The following TCF3 variants were observed in gnomAD, a reference collection of about 807,000 sequenced individuals.
The protein encoded by TCF3 is transcription factor E2-alpha.
Under a neutral mutation model 72.3 loss-of-function variants are expected in TCF3, and 54 were observed. The ratio of observed to expected loss-of-function variants is 0.75; its 90% confidence interval spans 0.60 to 0.94. The LOEUF (loss-of-function observed/expected upper bound fraction) is 0.94, where lower values mean the gene tolerates loss of function less well. TCF3 is among the 40% of genes least tolerant of loss of function. TCF3 has a pLI of 0.00. For synonymous variants in TCF3, 525 were observed against 412.6 expected (o/e 1.27, Z -3.30); for missense variants, 1,078 against 934.4 (o/e 1.15, Z -2.00).
At chr19:1,634,624 G>A (rs187884394) in intron 3 of TCF3, among the ~76,000 whole-genome samples, 1 of 152,198 alleles carries the variant, frequency 6.6e-6, no homozygotes, top group South Asian at 2.1e-4. Context: ...TCCCAGTCCC[G>A]GTCCCTGTTG....
At chr19:1,649,788 C>T (rs1184331766) in intron 2 of TCF3, among the ~76,000 whole-genome samples, 7 of 152,002 alleles carry the variant, frequency 4.6e-5, no homozygotes, top group Non-Finnish European at 1.0e-4. Context: ...GTGCAGTGAT[C>T]TTTTACTTAC....
intron 18 of TCF3, chr19:1,612,379 C>T (rs2061095091): frequency 6.2e-7 from 1 of 1,613,806 alleles, no homozygotes; most frequent in Non-Finnish European, 8.5e-7. Flanking sequence ...TGGCCATGCG[C>T]CTCTCCCGGT....
intron 2 of TCF3, among the ~76,000 whole-genome samples, chr19:1,648,371 G>C (rs2066455446): frequency 6.6e-6 from 1 of 152,186 alleles, no homozygotes; most frequent in Non-Finnish European, 1.5e-5. Flanking sequence ...CGCCCGGAGA[G>C]GACGGGCACC....
intron 3 of TCF3, among the ~76,000 whole-genome samples, chr19:1,639,538 C>T (rs2064939251): frequency 6.6e-6 from 1 of 152,112 alleles, no homozygotes; most frequent in Non-Finnish European, 1.5e-5. Context: ...AAAGGCCTCG[C>T]AGCTCCACAT....
chr19:1,642,411 C>T (rs547514482), intron 3 of TCF3, among the ~76,000 whole-genome samples: 4 of 152,280 alleles, frequency 2.6e-5, no homozygotes, highest in African/African-American at 7.2e-5. Context: ...CGCAGCACCA[C>T]GGGTGGGCGG....
At chr19:1,633,380 G>C (rs1251701246) in intron 3 of TCF3, among the ~76,000 whole-genome samples, 1 of 152,138 alleles carries the variant, frequency 6.6e-6, no homozygotes, top group African/African-American at 2.4e-5. Flanking sequence ...GGCTTCCCGA[G>C]AGCCAGGCCT....
chr19:1,648,420 C>T (rs1384299769), intron 2 of TCF3, among the ~76,000 whole-genome samples: 2 of 152,156 alleles, frequency 1.3e-5, no homozygotes, highest in Non-Finnish European at 2.9e-5. Flanking sequence ...GGGAACGGCT[C>T]CGACCCGGGA....
At position 1,609,385 on chromosome 19, in the gene TCF3, A is replaced by C. The variant is rs941907493; in HGVS notation, c.*2322T>G. On this transcript the variant is annotated 3_prime_UTR_variant, in exon 19 of 19. Transcript: ENST00000262965. ...GAAAGAGGGTCGTTTTAAAGTCCCA[A>C]TCATCCAGCCAGCTGTGTTGACACG... 2 of 205,070 alleles carry C rather than the reference A, an allele frequency of 9.8e-6. No homozygotes were observed. Among genetic ancestry groups the C allele is most frequent in the Non-Finnish European group, 2.0e-5 (2 of 100,282 alleles). 12.7% of individuals were successfully genotyped at this position (205,070 alleles called of 1,614,324 possible). A position where few individuals can be genotyped will look rare whatever the true frequency, so the allele number is the denominator to read the frequency against.
At chr19:1,637,598 C>A (rs2064619380) in intron 3 of TCF3, among the ~76,000 whole-genome samples, 1 of 152,156 alleles carries the variant, frequency 6.6e-6, no homozygotes. Flanking sequence ...GAGAACCTGC[C>A]CCTCAAAACA....
intron 3 of TCF3, among the ~76,000 whole-genome samples, chr19:1,642,782 C>T (rs4807944): frequency 0.16 from 24,392 of 152,118 alleles, 2,154 homozygotes; most frequent in South Asian, 0.36. Flanking sequence ...ACAAGGGACG[C>T]TTTCAATGTG....
intron 3 of TCF3, among the ~76,000 whole-genome samples, chr19:1,637,159 ACCAGAACCAGGGACAAGCTCCTCCC>A (rs1230144507): frequency 1.3e-5 from 2 of 150,296 alleles, no homozygotes; most frequent in Admixed American, 6.6e-5. Flanking sequence ...AACCTCCTCC[ACCAGAACCAGGGACAAGCTCCTCCC>A]CCAGAACCAG....
At position 1,616,946 on chromosome 19, in the gene TCF3, AAAAG is replaced by A. The variant is rs200662311; in HGVS notation, c.1451-1129_1451-1126del. 8.9e-3 allele frequency among the ~76,000 whole-genome samples: 1,354 copies of A among 152,346 alleles called. 21 individuals are homozygous for A. The highest frequency in any genetic ancestry group is 0.021 in the Admixed American group (314 of 15,304). On this transcript the variant is annotated intron_variant, in intron 16 of 18. Coordinates refer to ENST00000262965, the MANE Select transcript of TCF3 (RefSeq NM_003200.5). ...CTCCCACAATCAATGGGAAAGGACA[AAAAG>A]AAAGTAACTCAGTAGAAAAATAAGC... is the stretch of plus-strand genomic sequence containing the variant.
chr19:1,612,143 A>G, intron 18 of TCF3: 1 of 1,478,532 alleles, frequency 6.8e-7, no homozygotes, highest in Non-Finnish European at 9.0e-7. Context: ...GGAGGACCCC[A>G]GCATCTGCAC....
At chr19:1,622,252 C>A in intron 9 of TCF3, 29 bp from the exon 10 acceptor site, 2 of 1,514,984 alleles carry the variant, frequency 1.3e-6, no homozygotes, top group Non-Finnish European at 1.8e-6. Flanking sequence ...AAGGTGGGGG[C>A]CGAGTGGGGA....
intron 3 of TCF3, among the ~76,000 whole-genome samples, chr19:1,633,231 A>C (rs529302919): frequency 5.7e-4 from 87 of 152,306 alleles, no homozygotes; most frequent in Admixed American, 1.3e-3. Flanking sequence ...CCCGTGGAGA[A>C]GCAGGAGCGG....
rs528618922 is a variant in TCF3 at position 1,619,083 on chromosome 19, T to G, written c.1450+28A>C. The G allele has an allele frequency of 8.6e-5, 137 of 1,597,492 alleles. 2 individuals are homozygous for G. In the South Asian group the frequency reaches 1.5e-3, roughly 17 times the overall value. ...CAGTTTCCCCAACTGGAACCAGGAG[T>G]CGGACAGTCCCAAGCTCAAGGGCTT... On this transcript the variant is annotated intron_variant, in intron 16 of 18. Coordinates refer to ENST00000262965, the MANE Select transcript of TCF3 (RefSeq NM_003200.5).
At chr19:1,633,877 G>A (rs947949830) in intron 3 of TCF3, among the ~76,000 whole-genome samples, 12 of 152,168 alleles carry the variant, frequency 7.9e-5, no homozygotes, top group African/African-American at 2.4e-4. Context: ...GCACAGCGCC[G>A]GCACCCTCTG....
At chr19:1,641,749 A>G (rs1254901408) in intron 3 of TCF3, among the ~76,000 whole-genome samples, 1 of 151,918 alleles carries the variant, frequency 6.6e-6, no homozygotes, top group Admixed American at 6.6e-5. Flanking sequence ...CACCGCACCC[A>G]GCTGAAATTT....
At chr19:1,629,517 G>C (rs1007713231) in intron 5 of TCF3, among the ~76,000 whole-genome samples, 2 of 152,036 alleles carry the variant, frequency 1.3e-5, no homozygotes, top group African/African-American at 4.8e-5. Flanking sequence ...GGCTACGGAG[G>C]GGAACAGCTG....
Sources: gnomAD v4.1 joint callset for allele counts (sites outside exome capture counted in the v4.1 genomes callset) on GRCh38, gnomAD v4.1.1 for gene constraint, MANE v1.5 for transcripts, NCBI Gene and HGNC (gene_info 2026-07-23, HGNC 2026-07-21) for gene names.